Variants in FBN2 observed in about 807,000 individuals in gnomAD.
FBN2 encodes the protein fibrillin-2.
FBN2 carries 105 observed loss-of-function variants against 355.6 expected under a neutral mutation model. That is an observed-to-expected ratio of 0.30 (90% CI 0.25 to 0.35). The LOEUF (loss-of-function observed/expected upper bound fraction) is 0.35. Ranked by LOEUF, FBN2 falls within the 10% of genes least tolerant of loss-of-function variation. The pLI, the probability that FBN2 is intolerant of heterozygous loss-of-function variation, is 1.00. For missense variants in FBN2, 3,280 were observed against 3,758.7 expected, an observed-to-expected ratio of 0.87 and a Z score of 3.33; for synonymous variants, 1,350 against 1,301.2, an observed-to-expected ratio of 1.04 and a Z score of -0.81.
intron 7 of FBN2, among the ~76,000 whole-genome samples, chr5:128,424,783 T>C (rs1403643968): frequency 6.6e-6 from 1 of 152,122 alleles, no homozygotes; most frequent in Non-Finnish European, 1.5e-5. Context: ...TAAACACTAA[T>C]TTGCAGTAAC....
chr5:128,334,926 C>G (rs1750795650), intron 30 of FBN2, 82 bp from the exon 31 acceptor site: 6 of 1,303,772 alleles, frequency 4.6e-6, no homozygotes, highest in Non-Finnish European at 6.6e-6. Context: ...TAGCATAATA[C>G]TGAAATACAC....
intron 5 of FBN2, among the ~76,000 whole-genome samples, chr5:128,476,471 A>G (rs1210478047): frequency 1.3e-5 from 2 of 152,108 alleles, no homozygotes; most frequent in African/African-American, 4.8e-5. Context: ...AAGTAGAAGT[A>G]GTAATAATCA....
chr5:128,335,803 A>G (rs1017001110), intron 28 of FBN2, among the ~76,000 whole-genome samples, 185 bp downstream of exon 28: 4 of 152,216 alleles, frequency 2.6e-5, no homozygotes, highest in African/African-American at 9.6e-5. Flanking sequence ...TGGGGATTAG[A>G]GCATTTTCTA....
Position 128,288,506 on chromosome 5 carries a change from T to C in FBN2, c.6689A>G (p.Asn2230Ser), listed in dbSNP as rs863223584. 5 of 1,613,932 alleles carry C rather than the reference T, an allele frequency of 3.1e-6. No individual in the cohort carries two copies. Among genetic ancestry groups the C allele is most frequent in the Non-Finnish European group, 4.2e-6 (5 of 1,179,860 alleles). The change falls in exon 53 of 65, where the codon AAT (asparagine) becomes AGT (serine). Residue 2230 changes from asparagine to serine, a missense_variant. Transcript: ENST00000262464. ...ATTGCATTCAAAACTCCCAATAACA[T>C]TGGTGCATGTACCATTTCCACACGG... The part of the protein sequence containing the change: ...GNPCGNGTCT[N>S]VIGSFECNCN...
At chr5:128,423,965 T>C (rs1753419560) in intron 7 of FBN2, among the ~76,000 whole-genome samples, 1 of 152,166 alleles carries the variant, frequency 6.6e-6, no homozygotes, top group South Asian at 2.1e-4. Context: ...AAATGGGTGA[T>C]TTGTACCCAG....
Position 128,464,184 on chromosome 5 carries a change from T to A in FBN2, c.826+540A>T, listed in dbSNP as rs571880138. On this transcript the variant is annotated intron_variant, in intron 6 of 64. Coordinates refer to ENST00000262464, the MANE Select transcript of FBN2 (RefSeq NM_001999.4). ...ATAGAAATCAGTGTCATGAATGCAG[T>A]TAGGGAGTGTCAAAACCCAGAGATC... Among the ~76,000 whole-genome samples the A allele has an allele frequency of 7.2e-5, 11 of 152,234 alleles. 1 individual carries two copies. The South Asian group carries it at 2.3e-3, about 32-fold the overall frequency.
At chr5:128,485,874 A>G (rs1357519158) in intron 5 of FBN2, among the ~76,000 whole-genome samples, 1 of 152,162 alleles carries the variant, frequency 6.6e-6, no homozygotes, top group Non-Finnish European at 1.5e-5. Context: ...CCTTTATTAT[A>G]TTCCAGACTT....
intron 57 of FBN2, 152 bp downstream of exon 57, chr5:128,278,483 T>C (rs1401240051): frequency 2.8e-6 from 2 of 704,792 alleles, no homozygotes; most frequent in Admixed American, 2.2e-5. Context: ...TATATACATA[T>C]ATATGAAAAC....
chr5:128,280,393 T>G (rs182060841), intron 55 of FBN2, 76 bp from the exon 56 acceptor site: 9 of 1,152,506 alleles, frequency 7.8e-6, no homozygotes, highest in Admixed American at 7.0e-5. Flanking sequence ...TAATGGGTTA[T>G]ATCTTATTTA....
chr5:128,537,462 G>T lies in FBN2; in HGVS notation c.142C>A (p.Arg48=), dbSNP rs1409799200. 6.2e-7 allele frequency: 1 copy of T among 1,605,802 alleles called. No homozygotes were observed. Among genetic ancestry groups the T allele is most frequent in the Non-Finnish European group, 8.5e-7 (1 of 1,177,452 alleles). Residue 48 remains arginine, a synonymous_variant, in exon 1 of 65, where the codon CGG becomes AGG. Coordinates refer to ENST00000262464, the MANE Select transcript of FBN2 (RefSeq NM_001999.4). Reference sequence around the variant, plus strand: ...CCTTCAGAGCCTGCTGTAGCGGACCGAACCTGTTGCGGCGGCGGCTGGGGC... The same window carrying T: ...CCTTCAGAGCCTGCTGTAGCGGACCTAACCTGTTGCGGCGGCGGCTGGGGC... The part of the protein sequence containing the change: ...PRPQPPPQQV[R]SATAGSEGGF...
chr5:128,298,941 C>T (rs1749622327), intron 48 of FBN2, among the ~76,000 whole-genome samples: 1 of 152,298 alleles, frequency 6.6e-6, no homozygotes, highest in South Asian at 2.1e-4. Flanking sequence ...AGTTTTTCTG[C>T]TCTGTTTTTT....
intron 7 of FBN2, among the ~76,000 whole-genome samples, chr5:128,436,470 T>C (rs559655846): frequency 1.3e-5 from 2 of 152,322 alleles, no homozygotes; most frequent in East Asian, 1.9e-4. Flanking sequence ...AACTACTCTA[T>C]GCTCTGCCTC....
At chr5:128,326,134 C>T (rs1308340828) in intron 34 of FBN2, among the ~76,000 whole-genome samples, 1 of 152,180 alleles carries the variant, frequency 6.6e-6, no homozygotes, top group African/African-American at 2.4e-5. Flanking sequence ...CTTGTATAGA[C>T]ACTACTTTGT....
rs1308710758 is a variant in FBN2 at position 128,392,174 on chromosome 5, C to A, written c.1466-19G>T. ...AGAATTGCTACGGAAAATTAAAGCA[C>A]AATTATATTTAATCATTACAACATG... On this transcript the variant is annotated intron_variant, in intron 10 of 64. Coordinates refer to ENST00000262464, the MANE Select transcript of FBN2 (RefSeq NM_001999.4). 3.1e-6 allele frequency: 5 copies of A among 1,607,320 alleles called. No homozygotes were observed. The highest frequency in any genetic ancestry group is 4.3e-6 in the Non-Finnish European group (5 of 1,174,442).
intron 5 of FBN2, among the ~76,000 whole-genome samples, chr5:128,485,635 G>A (rs139124617): frequency 1.9e-3 from 290 of 152,106 alleles, no homozygotes; most frequent in Middle Eastern, 3.4e-3. Flanking sequence ...TGGAAATACC[G>A]GATACAGTAA....
At chr5:128,309,780 C>G (rs866610820) in intron 40 of FBN2, among the ~76,000 whole-genome samples, 1 of 152,144 alleles carries the variant, frequency 6.6e-6, no homozygotes, top group Admixed American at 6.5e-5. Flanking sequence ...AAATTTTCTA[C>G]ATTAGACTCA....
intron 23 of FBN2, 77 bp from the exon 24 acceptor site, chr5:128,345,661 A>T (rs41298330): frequency 1.5e-6 from 2 of 1,321,224 alleles, no homozygotes; most frequent in Admixed American, 1.7e-5. Context: ...GCGTCTGCTC[A>T]GCACCAGGCA....
intron 64 of FBN2, among the ~76,000 whole-genome samples, chr5:128,260,825 C>T (rs1228199757): frequency 6.6e-6 from 1 of 152,148 alleles, no homozygotes; most frequent in Non-Finnish European, 1.5e-5. Context: ...ACACAGCCAG[C>T]CAGTTGTTGA....
At chr5:128,355,126 G>C (rs1477150679) in intron 20 of FBN2, among the ~76,000 whole-genome samples, 1 of 152,184 alleles carries the variant, frequency 6.6e-6, no homozygotes, top group African/African-American at 2.4e-5. Flanking sequence ...TGCCTGGAAA[G>C]CCAAAAATGC....
Sources: allele counts gnomAD v4.1 joint callset (sites outside exome capture counted in the v4.1 genomes callset), GRCh38; gene constraint gnomAD v4.1.1; transcripts MANE v1.5; gene names NCBI Gene and HGNC (gene_info 2026-07-23, HGNC 2026-07-21).